The following VPS37A variants were observed in gnomAD, a reference collection of about 807,000 sequenced individuals.
VPS37A encodes the protein vacuolar protein sorting-associated protein 37A.
VPS37A carries 30 observed loss-of-function variants against 49.8 expected under a neutral mutation model. That is an observed-to-expected ratio of 0.60 (90% CI 0.45 to 0.82). VPS37A has a LOEUF of 0.82. VPS37A is among the 40% of genes least tolerant of loss of function. The pLI, the probability that VPS37A is intolerant of heterozygous loss-of-function variation, is 0.00. For synonymous variants in VPS37A, 195 were observed against 160.6 expected, an observed-to-expected ratio of 1.21 and a Z score of -1.62; for missense variants, 593 against 464.4, an observed-to-expected ratio of 1.28 and a Z score of -2.55.
chr8:17,332,222 G>GA, the VPS37A span, among the ~76,000 whole-genome samples: 6 of 151,828 alleles, frequency 4.0e-5, no homozygotes, highest in African/African-American at 2.4e-5. Context: ...CTCACCACCA[G>GA]AAAAAAATAT....
chr8:17,251,687 T>C (rs1410349394), intron 1 of VPS37A, among the ~76,000 whole-genome samples: 2 of 152,242 alleles, frequency 1.3e-5, no homozygotes, highest in African/African-American at 4.8e-5. Context: ...CCTAAATTAT[T>C]ATCTTGCACA....
chr8:17,286,286 A>G, intron 10 of VPS37A, 61 bp from the exon 11 acceptor site: 1 of 1,346,206 alleles, frequency 7.4e-7, no homozygotes, highest in Non-Finnish European at 1.0e-6. Flanking sequence ...TACTGTTGGA[A>G]GTAAAGTAGT....
At chr8:17,306,389 T>C (rs1188546767), downstream of VPS37A, among the ~76,000 whole-genome samples, 1 of 150,824 alleles carries the variant, frequency 6.6e-6, no homozygotes, top group Admixed American at 6.6e-5. Context: ...AAAGACAACT[T>C]GAAAAAAAAA....
rs1228486323 is a variant in VPS37A, at chr8:17,247,470, C to G, written c.125+101C>G. ...GCCTCAGTCTGCTCCCCACCAGCTC[C>G]TCATGTGGTTTACCTCCCTTGGTTG... is the stretch of plus-strand genomic sequence containing the variant. On this transcript the variant is annotated intron_variant, in intron 1 of 11. Coordinates refer to ENST00000324849, the MANE Select transcript of VPS37A (RefSeq NM_152415.3). The G allele has an allele frequency of 3.4e-6, 5 of 1,456,660 alleles. No individual in the cohort carries two copies. The Admixed American group carries it at 6.3e-5, about 18-fold the overall frequency. The allele number at this position is 1,456,660 out of a possible 1,614,324, so 90.2% of individuals were successfully genotyped here.
downstream of VPS37A, among the ~76,000 whole-genome samples, chr8:17,303,002 C>T (rs1466706447): frequency 4.6e-5 from 7 of 152,026 alleles, no homozygotes; most frequent in South Asian, 2.1e-4. Context: ...GGAGCCACCA[C>T]GCCTGACCAA....
At chr8:17,308,764 G>A in the VPS37A span, among the ~76,000 whole-genome samples, 2 of 152,122 alleles carry the variant, frequency 1.3e-5, no homozygotes, top group African/African-American at 2.4e-5. Flanking sequence ...CAGCCCAGAC[G>A]TCCAAGGCCA....
chr8:17,323,360 T>C, the VPS37A span, among the ~76,000 whole-genome samples: 1 of 152,086 alleles, frequency 6.6e-6, no homozygotes, highest in African/African-American at 2.4e-5. Flanking sequence ...TTATTTTCAC[T>C]AAAAAATAGA....
chr8:17,264,884 G>T (rs1003504514), intron 1 of VPS37A, among the ~76,000 whole-genome samples: 2 of 152,100 alleles, frequency 1.3e-5, no homozygotes, highest in East Asian at 3.9e-4. Flanking sequence ...GACTTGCTTA[G>T]TGTATTATAG....
chr8:17,330,924 A>G, the VPS37A span, among the ~76,000 whole-genome samples: 3 of 152,214 alleles, frequency 2.0e-5, no homozygotes, highest in African/African-American at 7.2e-5. Flanking sequence ...GTTCAGTACC[A>G]TTGTAGAGTC....
intron 1 of VPS37A, among the ~76,000 whole-genome samples, chr8:17,252,565 C>T (rs1313619079): frequency 6.6e-6 from 1 of 152,102 alleles, no homozygotes; most frequent in African/African-American, 2.4e-5. Flanking sequence ...CCCTATGTCC[C>T]CTGTCGTCTC....
downstream of VPS37A, chr8:17,298,243 A>G (rs1231425582): frequency 3.3e-5 from 5 of 152,118 alleles, no homozygotes; most frequent in Non-Finnish European, 1.5e-5. Flanking sequence ...CCTATTACAT[A>G]TAGTATATTG....
intron 4 of VPS37A, among the ~76,000 whole-genome samples, chr8:17,272,290 G>A (rs910237952): frequency 6.6e-5 from 10 of 152,026 alleles, no homozygotes; most frequent in Non-Finnish European, 8.8e-5. Flanking sequence ...TGTTGTTGTT[G>A]TCATAGCAGC....
chr8:17,289,574 C>G (rs1179386429), intron 11 of VPS37A, among the ~76,000 whole-genome samples: 2 of 152,118 alleles, frequency 1.3e-5, no homozygotes, highest in African/African-American at 4.8e-5. Context: ...TGTTTTGGTA[C>G]CAGTACCGTG....
At chr8:17,260,108 T>C (rs1200298981) in intron 1 of VPS37A, among the ~76,000 whole-genome samples, 2 of 152,148 alleles carry the variant, frequency 1.3e-5, no homozygotes, top group Non-Finnish European at 2.9e-5. Context: ...TGTTGATTGT[T>C]TTCTGGTTGT....
At chr8:17,302,955 C>T (rs1233540890), downstream of VPS37A, among the ~76,000 whole-genome samples, 1 of 152,040 alleles carries the variant, frequency 6.6e-6, no homozygotes, top group Non-Finnish European at 1.5e-5. Context: ...AGGTGATCCA[C>T]CCACCTCAGC....
In VPS37A at chr8:17,274,754, G is replaced by T; in HGVS notation, c.438G>T (p.Gly146=). 1.9e-6 allele frequency: 3 copies of T among 1,613,942 alleles called. No individual in the cohort carries two copies. The highest frequency in any genetic ancestry group is 2.5e-6 in the Non-Finnish European group (3 of 1,179,900). The change falls in exon 5 of 12, where the codon GGG becomes GGT. Residue 146 remains glycine (G), a synonymous_variant. Transcript: ENST00000324849. ...AFPYLYSNPS[G]MSPYASQGFP... is the part of the protein sequence containing the mutation. ...TCAGTCTATACAGTAACCCAAGTGG[G>T]ATGTCTCCTTATGCTTCTCAGGGTT... is the stretch of plus-strand genomic sequence containing the variant.
rs1325771315 is a variant in VPS37A at position 17,247,862 on chromosome 8, T to G, written c.125+493T>G. 4 of 672,030 alleles carry G rather than the reference T, an allele frequency of 6.0e-6. No individual in the cohort carries two copies. In the East Asian group the frequency reaches 8.1e-5, roughly 14 times the overall value. The allele number at this position is 672,030 out of a possible 1,614,324, so 41.6% of individuals were successfully genotyped here. On this transcript the variant is annotated intron_variant, in intron 1 of 11. Transcript: ENST00000324849. Reference sequence around the variant, plus strand: ...GAATGCTTCTCGTCTGAGAGTCACTTATCACGTAGTCAGTCTTCTTGAGTC... The same window carrying G: ...GAATGCTTCTCGTCTGAGAGTCACTGATCACGTAGTCAGTCTTCTTGAGTC...
At chr8:17,282,545 A>G (rs943087593) in intron 9 of VPS37A, among the ~76,000 whole-genome samples, 3 of 152,166 alleles carry the variant, frequency 2.0e-5, no homozygotes, top group Non-Finnish European at 4.4e-5. Context: ...ATCAAAATTG[A>G]AGTTAAAAAA....
intron 1 of VPS37A, 166 bp from the exon 2 acceptor site, chr8:17,265,741 C>A: frequency 6.6e-7 from 1 of 1,520,244 alleles, no homozygotes; most frequent in African/African-American, 1.4e-5. Context: ...ATGAGCCTTT[C>A]TAACTATGAT....
Sources: allele counts gnomAD v4.1 joint callset (sites outside exome capture counted in the v4.1 genomes callset), GRCh38; gene constraint gnomAD v4.1.1; transcripts MANE v1.5; gene names NCBI Gene and HGNC (gene_info 2026-07-23, HGNC 2026-07-21).